The following CTNNA3 variants were observed in gnomAD, a reference collection of about 807,000 sequenced individuals.
The protein encoded by CTNNA3 is catenin alpha-3.
CTNNA3 carries 76 observed loss-of-function variants against 95.7 expected under a neutral mutation model. The ratio of observed to expected loss-of-function variants is 0.79; its 90% CI spans 0.66 to 0.96. The LOEUF (loss-of-function observed/expected upper bound fraction) is 0.96. Among genes scored for constraint, CTNNA3 ranks in the 40% least tolerant of loss-of-function variants. CTNNA3 has a pLI of 0.00. For missense variants in CTNNA3, 1,191 were observed against 1,089.8 expected, an observed-to-expected ratio of 1.09 and a Z score of -1.31; for synonymous variants, 431 against 374.4, an observed-to-expected ratio of 1.15 and a Z score of -1.74.
At chr10:66,908,532 T>C (rs1297914933) in intron 7 of CTNNA3, among the ~76,000 whole-genome samples, 1 of 152,022 alleles carries the variant, frequency 6.6e-6, no homozygotes, top group African/African-American at 2.4e-5. Context: ...GTTATGGATG[T>C]TCTCTAAGAA....
At chr10:67,270,963 C>T (rs1258234459) in intron 5 of CTNNA3, among the ~76,000 whole-genome samples, 3 of 152,038 alleles carry the variant, frequency 2.0e-5, no homozygotes, top group East Asian at 1.9e-4. Flanking sequence ...GAAATCTAAG[C>T]GTTCCTAAAA....
chr10:67,106,847 T>TA (rs1858664694), intron 7 of CTNNA3, among the ~76,000 whole-genome samples: 1 of 152,184 alleles, frequency 6.6e-6, no homozygotes, highest in Non-Finnish European at 1.5e-5. Flanking sequence ...TATATGCCTC[T>TA]TGGAAGGTAA....
At chr10:66,005,377 A>G (rs563439752) in intron 15 of CTNNA3, among the ~76,000 whole-genome samples, 22 of 152,314 alleles carry the variant, frequency 1.4e-4, no homozygotes, top group African/African-American at 5.3e-4. Context: ...GTCAGTTGGG[A>G]TAAATTGACG....
chr10:66,814,853 T>C (rs956285267), intron 7 of CTNNA3, among the ~76,000 whole-genome samples: 10 of 33,442 alleles, frequency 3.0e-4, no homozygotes, highest in Non-Finnish European at 3.9e-4. Context: ...TTAGCATTCT[T>C]TTTTTTTTTT....
At chr10:66,022,764 C>G (rs757213014) in intron 15 of CTNNA3, among the ~76,000 whole-genome samples, 1 of 152,176 alleles carries the variant, frequency 6.6e-6, no homozygotes, top group Non-Finnish European at 1.5e-5. Context: ...TTTGATGCTA[C>G]TATTTGGACA....
At chr10:66,743,905 A>T (rs140651776) in intron 9 of CTNNA3, among the ~76,000 whole-genome samples, 13,482 of 142,556 alleles carry the variant, frequency 0.095, 797 homozygotes, top group Non-Finnish European at 0.13. Context: ...GAACCAGGGA[A>T]TCAGAGGTTG....
intron 7 of CTNNA3, among the ~76,000 whole-genome samples, chr10:66,897,968 T>C (rs1845567644): frequency 6.6e-6 from 1 of 152,086 alleles, no homozygotes; most frequent in Non-Finnish European, 1.5e-5. Flanking sequence ...TCAGAAAATA[T>C]AAGAGAAGAG....
At chr10:66,742,065 C>T (rs1377734842) in intron 9 of CTNNA3, among the ~76,000 whole-genome samples, 1 of 152,164 alleles carries the variant, frequency 6.6e-6, no homozygotes, top group Non-Finnish European at 1.5e-5. Context: ...CAAACTCTGA[C>T]TGCCGGTGAG....
At chr10:67,584,229 C>T (rs963788982) in intron 3 of CTNNA3, among the ~76,000 whole-genome samples, 11 of 152,226 alleles carry the variant, frequency 7.2e-5, no homozygotes, top group African/African-American at 2.6e-4. Context: ...ATGATGGTGA[C>T]GTACAGATGG....
intron 5 of CTNNA3, among the ~76,000 whole-genome samples, chr10:67,280,706 C>T (rs923013485): frequency 1.3e-5 from 2 of 152,030 alleles, no homozygotes; most frequent in African/African-American, 4.8e-5. Flanking sequence ...GCAAGAAGAC[C>T]CTGTGCAGGT....
At chr10:67,095,770 A>G (rs1342705640) in intron 7 of CTNNA3, among the ~76,000 whole-genome samples, 2 of 151,856 alleles carry the variant, frequency 1.3e-5, no homozygotes. Context: ...CAGAGCACTG[A>G]TTTCCCAGAG....
intron 7 of CTNNA3, among the ~76,000 whole-genome samples, chr10:66,843,764 G>A (rs891140045): frequency 2.0e-5 from 3 of 152,244 alleles, no homozygotes; most frequent in Admixed American, 6.5e-5. Context: ...TCAACCATCC[G>A]GGTCTTCAGG....
rs114013157 is a variant in CTNNA3 at position 65,973,815 on chromosome 10, C to T, written c.2266-7069G>A. Among the ~76,000 whole-genome samples, 1,194 of 152,156 alleles carry T rather than the reference C, an allele frequency of 7.8e-3. 10 individuals are homozygous for T. The highest frequency in any genetic ancestry group is 0.028 in the African/African-American group (1,145 of 41,516). The stretch of plus-strand genomic sequence containing the variant: ...TGATAATGCACTATCCTGAGGACAG[C>T]TCATCATGAGGAATCTGCCCCTATT... On this transcript the variant is annotated intron_variant, in intron 16 of 17. Transcript: ENST00000433211.
At chr10:66,104,389 T>C (rs1024498161) in intron 13 of CTNNA3, among the ~76,000 whole-genome samples, 39 of 152,350 alleles carry the variant, frequency 2.6e-4, no homozygotes, top group Middle Eastern at 3.4e-3. Context: ...CATGTCAAAG[T>C]GCTTAACAAG....
chr10:67,053,543 T>C (rs1855243708), intron 7 of CTNNA3, among the ~76,000 whole-genome samples: 3 of 152,178 alleles, frequency 2.0e-5, no homozygotes, highest in Admixed American at 1.3e-4. Flanking sequence ...GCATTAAAAA[T>C]AGTTCCTCCA....
At chr10:66,103,867 G>A (rs2133748130) in intron 13 of CTNNA3, among the ~76,000 whole-genome samples, 1 of 152,228 alleles carries the variant, frequency 6.6e-6, no homozygotes, top group East Asian at 1.9e-4. Context: ...AAAATGGTGA[G>A]TTTTATGGTA....
chr10:67,562,074 G>A (rs1035908110), intron 3 of CTNNA3, among the ~76,000 whole-genome samples: 1 of 152,176 alleles, frequency 6.6e-6, no homozygotes, highest in African/African-American at 2.4e-5. Context: ...GGAGGAATTG[G>A]TACCATTCTT....
At chr10:66,940,253 A>G (rs1847929002) in intron 7 of CTNNA3, among the ~76,000 whole-genome samples, 1 of 152,178 alleles carries the variant, frequency 6.6e-6, no homozygotes, top group African/African-American at 2.4e-5. Flanking sequence ...TAGGCCCAGC[A>G]CTTTGGGAGG....
chr10:66,783,645 T>C (rs1038160854), intron 7 of CTNNA3, among the ~76,000 whole-genome samples: 1 of 107,636 alleles, frequency 9.3e-6, no homozygotes, highest in African/African-American at 2.7e-5. Context: ...TGAGCTCATA[T>C]GGCAACGACT....
Sources: gnomAD v4.1 joint callset for allele counts (sites outside exome capture counted in the v4.1 genomes callset) on GRCh38, gnomAD v4.1.1 for gene constraint, MANE v1.5 for transcripts, NCBI Gene and HGNC (gene_info 2026-07-23, HGNC 2026-07-21) for gene names.